Variants in ERBB4 observed in about 807,000 individuals in gnomAD.
ERBB4 encodes the protein receptor tyrosine-protein kinase erbB-4.
Under a neutral mutation model 158.0 loss-of-function variants are expected in ERBB4, and 42 were observed. That is an observed-to-expected ratio of 0.27 (90% CI 0.21 to 0.34). The LOEUF (loss-of-function observed/expected upper bound fraction) is 0.34. Ranked by LOEUF, ERBB4 falls within the 10% of genes least tolerant of loss-of-function variation. The pLI, the probability that ERBB4 is intolerant of heterozygous loss-of-function variation, is 1.00. For missense variants in ERBB4, 1,333 were observed against 1,624.1 expected, an observed-to-expected ratio of 0.82 and a Z score of 3.08; for synonymous variants, 583 against 558.7, an observed-to-expected ratio of 1.04 and a Z score of -0.61.
intron 1 of ERBB4, among the ~76,000 whole-genome samples, chr2:212,442,977 C>T (rs1356038263): frequency 6.6e-6 from 1 of 152,222 alleles, no homozygotes; most frequent in Non-Finnish European, 1.5e-5. Flanking sequence ...TTACTGTAAG[C>T]TTAACCAAAT....
At position 211,424,242 on chromosome 2, in the gene ERBB4, G is replaced by T; in HGVS notation, c.2779C>A (p.Arg927=). ...GGKPYDGIPT[R]EIPDLLEKGE... is the part of the protein sequence containing the mutation. Reference sequence around the variant, plus strand: ...TTCTCTAATAAATCAGGGATTTCTCGCGTTGGAATTCCATCATAGGGTTTT... The same window carrying T: ...TTCTCTAATAAATCAGGGATTTCTCTCGTTGGAATTCCATCATAGGGTTTT... The change falls in exon 23 of 28, where the codon CGA becomes AGA. Residue 927 remains arginine (R), a synonymous_variant. Coordinates refer to ENST00000342788, the MANE Select transcript of ERBB4 (RefSeq NM_005235.3). The T allele has an allele frequency of 6.2e-7, 1 of 1,612,924 alleles. No homozygotes were observed. Among genetic ancestry groups the T allele is most frequent in the Non-Finnish European group, 8.5e-7 (1 of 1,179,226 alleles).
At chr2:211,459,067 GA>G (rs577107617) in intron 20 of ERBB4, among the ~76,000 whole-genome samples, 3 of 152,170 alleles carry the variant, frequency 2.0e-5, no homozygotes, top group African/African-American at 7.2e-5. Context: ...AAACTATAGA[GA>G]AAAACCTAAA....
At chr2:211,875,003 TGTC>T (rs1321260002) in intron 3 of ERBB4, among the ~76,000 whole-genome samples, 2 of 132,144 alleles carry the variant, frequency 1.5e-5, no homozygotes, top group Non-Finnish European at 3.1e-5. Context: ...AGGCTTGTAT[TGTC>T]ATGCTTCAAA....
intron 4 of ERBB4, among the ~76,000 whole-genome samples, chr2:211,754,374 C>T (rs76992220): frequency 0.028 from 4,269 of 151,154 alleles, 209 homozygotes; most frequent in African/African-American, 0.1. Flanking sequence ...CAACCTGGTA[C>T]GTGATTCTTC....
rs116897059 is a variant in ERBB4 at position 211,550,027 on chromosome 2, A to T, written c.2487+11876T>A. 2.5e-3 allele frequency among the ~76,000 whole-genome samples: 385 copies of T among 152,272 alleles called. 3 individuals carry two copies. Among genetic ancestry groups the T allele is most frequent in the East Asian group, 0.015 (78 of 5,176 alleles). On this transcript the variant is annotated intron_variant, in intron 20 of 27. Coordinates refer to ENST00000342788, the MANE Select transcript of ERBB4 (RefSeq NM_005235.3). ...AATTTTTCCCCAGCTTTATTGGGGTATGATTGACAAATAAAAATTGTATGC... is the reference window on the plus strand; with the variant it reads ...AATTTTTCCCCAGCTTTATTGGGGTTTGATTGACAAATAAAAATTGTATGC...
chr2:211,488,429 T>G (rs562563686), intron 20 of ERBB4, among the ~76,000 whole-genome samples: 4 of 152,092 alleles, frequency 2.6e-5, no homozygotes, highest in Non-Finnish European at 5.9e-5. Flanking sequence ...CATCACTGTA[T>G]TGAGAGTGCC....
chr2:211,865,410 T>C (rs1165853282), intron 3 of ERBB4, among the ~76,000 whole-genome samples: 1 of 152,190 alleles, frequency 6.6e-6, no homozygotes, highest in Non-Finnish European at 1.5e-5. Flanking sequence ...TAAATGGATG[T>C]AGTCTATTTA....
At chr2:211,681,352 C>T (rs1156547533) in intron 12 of ERBB4, among the ~76,000 whole-genome samples, 1 of 152,138 alleles carries the variant, frequency 6.6e-6, no homozygotes, top group East Asian at 1.9e-4. Context: ...TGGGCATACA[C>T]TTTCTTGTCC....
intron 3 of ERBB4, among the ~76,000 whole-genome samples, chr2:211,799,330 T>C (rs1364528020): frequency 6.6e-6 from 1 of 152,222 alleles, no homozygotes; most frequent in African/African-American, 2.4e-5. Flanking sequence ...TATTACCATG[T>C]CTTCTAAATT....
chr2:211,784,162 G>T (rs984693090), intron 4 of ERBB4, among the ~76,000 whole-genome samples: 2 of 152,176 alleles, frequency 1.3e-5, no homozygotes. Flanking sequence ...GTTTAGTAAT[G>T]TTAAGTATAT....
intron 1 of ERBB4, among the ~76,000 whole-genome samples, chr2:212,477,244 GTGTC>G (rs1689450515): frequency 6.6e-6 from 1 of 152,098 alleles, no homozygotes; most frequent in African/African-American, 2.4e-5. Flanking sequence ...AGATTAAAGA[GTGTC>G]TGTGTCTGTC....
chr2:211,942,874 A>C (rs1404431407), intron 3 of ERBB4, among the ~76,000 whole-genome samples: 1 of 152,162 alleles, frequency 6.6e-6, no homozygotes, highest in Non-Finnish European at 1.5e-5. Context: ...CTAAGGTGAA[A>C]TGTAGTGTGA....
chr2:212,266,932 C>T (rs1479637838), intron 1 of ERBB4, among the ~76,000 whole-genome samples: 1 of 152,066 alleles, frequency 6.6e-6, no homozygotes. Flanking sequence ...TTATTTGCAT[C>T]GGACTTAACG....
At chr2:211,974,426 A>G (rs2081546521) in intron 2 of ERBB4, among the ~76,000 whole-genome samples, 1 of 152,206 alleles carries the variant, frequency 6.6e-6, no homozygotes, top group Non-Finnish European at 1.5e-5. Context: ...GCATGGTGGA[A>G]TAACCCTGAG....
intron 2 of ERBB4, among the ~76,000 whole-genome samples, chr2:211,948,333 G>A (rs1361029783): frequency 6.6e-6 from 1 of 151,196 alleles, no homozygotes; most frequent in Admixed American, 6.6e-5. Context: ...CTACTTGGGA[G>A]GCTGAGGCAG....
At chr2:211,477,138 T>C (rs557820682) in intron 20 of ERBB4, among the ~76,000 whole-genome samples, 2 of 152,212 alleles carry the variant, frequency 1.3e-5, no homozygotes, top group South Asian at 2.1e-4. Flanking sequence ...AAAACATTAA[T>C]AGAACAAAAA....
rs180882090 is a variant in ERBB4, at chr2:211,476,801, G to A, written c.2488-45701C>T. Among the ~76,000 whole-genome samples, 50 of 152,190 alleles carry A rather than the reference G, an allele frequency of 3.3e-4. 1 individual carries two copies. The East Asian group carries it at 5.0e-3, about 15-fold the overall frequency. Reference sequence around the variant, plus strand: ...CTAGATCCAACTAGTAGCTTAGAAGGAAGGCATAAAACACAGGAATATGTC... The same window carrying A: ...CTAGATCCAACTAGTAGCTTAGAAGAAAGGCATAAAACACAGGAATATGTC... On this transcript the variant is annotated intron_variant, in intron 20 of 27. Coordinates refer to ENST00000342788, the MANE Select transcript of ERBB4 (RefSeq NM_005235.3).
intron 23 of ERBB4, 41 bp downstream of exon 23, chr2:211,424,114 C>T (rs763590777): frequency 1.9e-6 from 3 of 1,584,800 alleles, no homozygotes; most frequent in Non-Finnish European, 8.7e-7. Context: ...TATTACTTTA[C>T]TAAGAATGAT....
At chr2:211,508,818 T>C (rs986347123) in intron 20 of ERBB4, among the ~76,000 whole-genome samples, 3 of 152,090 alleles carry the variant, frequency 2.0e-5, no homozygotes, top group African/African-American at 7.2e-5. Context: ...TAGTCCCAGC[T>C]ACTCAGGAGG....
Sources: allele counts gnomAD v4.1 joint callset (sites outside exome capture counted in the v4.1 genomes callset), GRCh38; gene constraint gnomAD v4.1.1; transcripts MANE v1.5; gene names NCBI Gene and HGNC (gene_info 2026-07-23, HGNC 2026-07-21).